KCTD16: variants seen among roughly 807,000 people sequenced by gnomAD.
KCTD16 encodes the protein BTB/POZ domain-containing protein KCTD16.
A neutral mutation model predicts 33.2 loss-of-function variants in KCTD16; 13 were observed. The ratio of observed to expected loss-of-function variants is 0.39; its 90% CI spans 0.25 to 0.62. The LOEUF is 0.62. Among genes scored for constraint, KCTD16 ranks in the 20% least tolerant of loss-of-function variants. The pLI is 0.50. For missense variants in KCTD16, 441 were observed against 525.1 expected (o/e 0.84, Z 1.57); for synonymous variants, 197 against 195.3 (o/e 1.01, Z -0.07).
At chr5:144,442,439 C>CTT (rs1340282250) in intron 3 of KCTD16, among the ~76,000 whole-genome samples, 13 of 125,832 alleles carry the variant, frequency 1.0e-4, no homozygotes, top group African/African-American at 3.4e-4. Context: ...CTTTTCTTTT[C>CTT]TCTTTTCTTT....
At chr5:144,220,746 C>A (rs1216950402) in intron 3 of KCTD16, among the ~76,000 whole-genome samples, 3 of 152,068 alleles carry the variant, frequency 2.0e-5, no homozygotes, top group Non-Finnish European at 4.4e-5. Flanking sequence ...TCGAGACCAT[C>A]CTGGCTAACA....
intron 3 of KCTD16, among the ~76,000 whole-genome samples, chr5:144,350,738 T>G (rs769098126): frequency 7.2e-5 from 11 of 151,988 alleles, no homozygotes; most frequent in Admixed American, 3.9e-4. Flanking sequence ...ATTATAATAA[T>G]TCTCTTTTCA....
intron 3 of KCTD16, among the ~76,000 whole-genome samples, chr5:144,451,201 C>T (rs958227583): frequency 6.6e-6 from 1 of 152,098 alleles, no homozygotes; most frequent in Admixed American, 6.6e-5. Flanking sequence ...GAACAACTTA[C>T]CCTGCTTCTT....
chr5:144,462,316 C>T (rs931150534), intron 3 of KCTD16, among the ~76,000 whole-genome samples: 4 of 152,074 alleles, frequency 2.6e-5, no homozygotes, highest in African/African-American at 9.7e-5. Context: ...CCACATTCAT[C>T]AATATTACAG....
rs543806123 is a variant in KCTD16 at position 144,395,456 on chromosome 5, C to T, written c.833-78204C>T. On this transcript the variant is annotated intron_variant, in intron 3 of 3. Transcript: ENST00000512467. The stretch of plus-strand genomic sequence containing the variant: ...GAGGCCTTCTCTGGGCATTCTGCTG[C>T]AATAAAGTTCTTATGGATATATTAA... Among the ~76,000 whole-genome samples the T allele has an allele frequency of 2.6e-5, 4 of 152,264 alleles. No individual in the cohort carries two copies. The South Asian group carries it at 8.3e-4, about 32-fold the overall frequency.
intron 3 of KCTD16, among the ~76,000 whole-genome samples, chr5:144,429,814 T>C (rs922823055): frequency 1.3e-5 from 2 of 151,964 alleles, no homozygotes; most frequent in Admixed American, 6.6e-5. Context: ...GACAGGAATA[T>C]ACAGTGCCGC....
chr5:144,481,570 C>G lies in KCTD16; in HGVS notation c.*7456C>G, dbSNP rs931296856. 2 of 151,882 alleles carry G rather than the reference C, an allele frequency of 1.3e-5. No individual in the cohort carries two copies. The highest frequency in any genetic ancestry group is 2.9e-5 in the Non-Finnish European group (2 of 67,912). 9.4% of individuals were successfully genotyped at this position (151,882 alleles called of 1,614,324 possible). On this transcript the variant is annotated 3_prime_UTR_variant, in exon 4 of 4. Transcript: ENST00000512467. Reference sequence around the variant, plus strand: ...GACATTTTTCTTTTAATGTATCATACCAATATCCCAGGGATGGAATTATGG... The same window carrying G: ...GACATTTTTCTTTTAATGTATCATAGCAATATCCCAGGGATGGAATTATGG...
rs1181265794 is a variant in KCTD16 at position 144,299,137 on chromosome 5, TATATATATATA to T, written c.832+91592_832+91602del. On this transcript the variant is annotated intron_variant, in intron 3 of 3. Transcript: ENST00000512467. The stretch of plus-strand genomic sequence containing the variant: ...ATATATATATATATATATATATATA[TATATATATATA>T]TTTTTTTTTTTTTTTTTAACCTGTC... Among the ~76,000 whole-genome samples, 178 of 33,426 alleles carry T rather than the reference TATATATATATA, an allele frequency of 5.3e-3. 1 individual carries two copies. The highest frequency in any genetic ancestry group is 0.029 in the African/African-American group (97 of 3,348). 21.9% of individuals were successfully genotyped at this position (33,426 alleles called of 152,430 possible). A position where few individuals can be genotyped will look rare whatever the true frequency, so the allele number is the denominator to read the frequency against.
In KCTD16 at chr5:144,483,021, A is replaced by G. The variant is rs1754735444; in HGVS notation, c.*8907A>G. The G allele has an allele frequency of 6.6e-6, 1 of 151,572 alleles. No homozygotes were observed. The highest frequency in any genetic ancestry group is 2.4e-5 in the African/African-American group (1 of 41,322). The allele number at this position is 151,572 out of a possible 1,614,324, so 9.4% of individuals were successfully genotyped here. ...AACAAAATATTTAGATTTAATATCT[A>G]TGAATAATAAACCAAAAAAAGTGCA... On this transcript the variant is annotated 3_prime_UTR_variant, in exon 4 of 4. Transcript: ENST00000512467.
chr5:144,207,685 A>G, intron 3 of KCTD16, 139 bp downstream of exon 3: 4 of 706,534 alleles, frequency 5.7e-6, no homozygotes, highest in Non-Finnish European at 9.2e-6. Flanking sequence ...AGAGGATTAG[A>G]GGTTATAATT....
intron 3 of KCTD16, among the ~76,000 whole-genome samples, chr5:144,380,695 C>G (rs1277289665): frequency 6.6e-6 from 1 of 151,968 alleles, no homozygotes; most frequent in Non-Finnish European, 1.5e-5. Flanking sequence ...TCAACAAAGT[C>G]AACAACAACA....
chr5:144,281,877 A>G (rs945165057), intron 3 of KCTD16, among the ~76,000 whole-genome samples: 1 of 152,212 alleles, frequency 6.6e-6, no homozygotes, highest in African/African-American at 2.4e-5. Context: ...ATTATTAGGT[A>G]CAAACATACT....
At chr5:144,445,688 T>C (rs1347891395) in intron 3 of KCTD16, among the ~76,000 whole-genome samples, 2 of 152,038 alleles carry the variant, frequency 1.3e-5, no homozygotes, top group Admixed American at 6.6e-5. Context: ...AGTTGCTTGC[T>C]TCCTGAGATT....
At chr5:144,386,948 C>A (rs1286263314) in intron 3 of KCTD16, among the ~76,000 whole-genome samples, 2 of 151,954 alleles carry the variant, frequency 1.3e-5, no homozygotes, top group East Asian at 3.9e-4. Context: ...TAGCTTACAT[C>A]TGTAGAGCCC....
chr5:144,307,379 C>G (rs1751630561), intron 3 of KCTD16, among the ~76,000 whole-genome samples: 1 of 152,192 alleles, frequency 6.6e-6, no homozygotes, highest in African/African-American at 2.4e-5. Context: ...CTCCACTAAA[C>G]TTCTTGAGGA....
At chr5:144,364,041 T>C (rs894777872) in intron 3 of KCTD16, among the ~76,000 whole-genome samples, 4 of 152,346 alleles carry the variant, frequency 2.6e-5, no homozygotes, top group African/African-American at 9.6e-5. Context: ...TTAATGTTTG[T>C]TAGATGGTTG....
intron 3 of KCTD16, among the ~76,000 whole-genome samples, chr5:144,210,699 C>T (rs1426850151): frequency 6.6e-6 from 1 of 152,048 alleles, no homozygotes; most frequent in Non-Finnish European, 1.5e-5. Flanking sequence ...ACTTAGGAAC[C>T]AAATGACAGG....
chr5:144,244,630 C>T (rs1754500032), intron 3 of KCTD16, among the ~76,000 whole-genome samples: 1 of 152,162 alleles, frequency 6.6e-6, no homozygotes, highest in Non-Finnish European at 1.5e-5. Flanking sequence ...ACCTCTTTAA[C>T]ACATTAAACC....
chr5:144,479,499 T>A lies in KCTD16; in HGVS notation c.*5385T>A, dbSNP rs561341632. The A allele has an allele frequency of 1.3e-5, 2 of 151,594 alleles. No homozygotes were observed. Among genetic ancestry groups the A allele is most frequent in the East Asian group, 3.9e-4 (2 of 5,120 alleles). 9.4% of individuals were successfully genotyped at this position (151,594 alleles called of 1,614,324 possible). ...CCAAATTCCCACGTTATAAGAAAGA[T>A]GAAAATAGAGATCATGCTTGTCATG... On this transcript the variant is annotated 3_prime_UTR_variant, in exon 4 of 4. Transcript: ENST00000512467.
Sources: allele counts gnomAD v4.1 joint callset (sites outside exome capture counted in the v4.1 genomes callset), GRCh38; gene constraint gnomAD v4.1.1; transcripts MANE v1.5; gene names NCBI Gene and HGNC (gene_info 2026-07-23, HGNC 2026-07-21).